The following DPYD variants were observed in gnomAD, a reference collection of about 807,000 sequenced individuals.
The protein encoded by DPYD is dihydropyrimidine dehydrogenase [NADP(+)].
Under a neutral mutation model 116.2 loss-of-function variants are expected in DPYD, and 109 were observed. That is an observed-to-expected ratio of 0.94 (90% CI 0.80 to 1.10). The LOEUF (loss-of-function observed/expected upper bound fraction) is 1.10. Among genes scored for constraint, DPYD ranks in the 50% least tolerant of loss-of-function variants. The pLI is 0.00. For missense variants in DPYD, 1,302 were observed against 1,254.5 expected (o/e 1.04, Z -0.57); for synonymous variants, 440 against 432.0 (o/e 1.02, Z -0.23).
chr1:97,489,205 A>G (rs1372157301), intron 13 of DPYD, among the ~76,000 whole-genome samples: 1 of 152,200 alleles, frequency 6.6e-6, no homozygotes, highest in Non-Finnish European at 1.5e-5. Context: ...GGAAAAATAT[A>G]TTTTCACGGA....
intron 20 of DPYD, among the ~76,000 whole-genome samples, chr1:97,161,768 G>A (rs896877072): frequency 1.0e-4 from 13 of 124,698 alleles, no homozygotes; most frequent in East Asian, 2.4e-4. Context: ...TCCCCTTCCT[G>A]TGTCCATGTG....
intron 19 of DPYD, among the ~76,000 whole-genome samples, chr1:97,208,604 T>C (rs1354831483): frequency 6.6e-6 from 1 of 152,090 alleles, no homozygotes; most frequent in Non-Finnish European, 1.5e-5. Flanking sequence ...ATATTCAAAC[T>C]CATCATTTCT....
chr1:97,124,818 C>G (rs1372140967), intron 20 of DPYD, among the ~76,000 whole-genome samples: 3 of 152,100 alleles, frequency 2.0e-5, no homozygotes, highest in Non-Finnish European at 4.4e-5. Flanking sequence ...ATTACCTTTG[C>G]TTTATGAATT....
intron 18 of DPYD, among the ~76,000 whole-genome samples, chr1:97,239,942 T>C (rs944615527): frequency 6.6e-5 from 10 of 152,144 alleles, no homozygotes; most frequent in African/African-American, 1.9e-4. Flanking sequence ...TTATAATTTG[T>C]ACTGCCCTCA....
intron 13 of DPYD, among the ~76,000 whole-genome samples, chr1:97,459,854 T>C (rs943962823): frequency 3.9e-5 from 6 of 152,100 alleles, no homozygotes; most frequent in Admixed American, 3.9e-4. Flanking sequence ...ATTATGTTTA[T>C]ATGAGGCAAA....
rs566920660 is a variant in DPYD, at chr1:97,592,409, C to A, written c.1128+809G>T. Among the ~76,000 whole-genome samples the A allele has an allele frequency of 1.7e-3, 252 of 152,300 alleles. 1 individual carries two copies. The highest frequency in any genetic ancestry group is 5.9e-3 in the African/African-American group (247 of 41,568). On this transcript the variant is annotated intron_variant, in intron 10 of 22. Transcript: ENST00000370192. Reference sequence around the variant, plus strand: ...TGAGACAGAGTCTCTCTCTGTCACCCAGGCTGGAGTGCAGTGGCACGATCT... The same window carrying A: ...TGAGACAGAGTCTCTCTCTGTCACCAAGGCTGGAGTGCAGTGGCACGATCT...
At chr1:97,844,225 T>C (rs1006390583) in intron 2 of DPYD, among the ~76,000 whole-genome samples, 2 of 152,108 alleles carry the variant, frequency 1.3e-5, no homozygotes, top group African/African-American at 4.8e-5. Context: ...TAATAAAAAA[T>C]ACATATTTTG....
chr1:97,803,420 T>TA, intron 3 of DPYD, among the ~76,000 whole-genome samples: 1 of 151,978 alleles, frequency 6.6e-6, no homozygotes, highest in East Asian at 1.9e-4. Flanking sequence ...GTAAAAATAG[T>TA]ATGACAGAAA....
rs138566740 is a variant in DPYD at position 97,459,261 on chromosome 1, G to A, written c.1741-9038C>T. Among the ~76,000 whole-genome samples, 11 of 152,190 alleles carry A rather than the reference G, an allele frequency of 7.2e-5. No individual in the cohort carries two copies. The East Asian group carries it at 2.1e-3, about 29-fold the overall frequency. The stretch of plus-strand genomic sequence containing the variant: ...TTACCTGAAAGCAAACAAATGTGAT[G>A]CAAAACATGATCTAGAGGTTAAGAG... On this transcript the variant is annotated intron_variant, in intron 13 of 22. Transcript: ENST00000370192.
chr1:97,236,090 A>C (rs1376670412), intron 18 of DPYD, among the ~76,000 whole-genome samples: 1 of 152,242 alleles, frequency 6.6e-6, no homozygotes, highest in Non-Finnish European at 1.5e-5. Flanking sequence ...CCCAGAGTAC[A>C]TTAATGCTTT....
intron 8 of DPYD, among the ~76,000 whole-genome samples, chr1:97,599,254 T>A (rs1655090494): frequency 6.6e-6 from 1 of 152,220 alleles, no homozygotes; most frequent in South Asian, 2.1e-4. Context: ...GAAATGTGTA[T>A]CCTTGCATTG....
chr1:97,786,791 T>C (rs1175567352), intron 3 of DPYD, among the ~76,000 whole-genome samples: 2 of 152,240 alleles, frequency 1.3e-5, no homozygotes, highest in Admixed American at 6.5e-5. Context: ...TTATTTTGTT[T>C]GACCTAAAAA....
rs543437644 is a variant in DPYD at position 97,176,506 on chromosome 1, T to C, written c.2622+16563A>G. On this transcript the variant is annotated intron_variant, in intron 20 of 22. Transcript: ENST00000370192. Reference sequence around the variant, plus strand: ...GGAGACCAAGGTCAGAAAAGAGCTGTCGGGAGTGACACGGTTTTTTGCCCA... The same window carrying C: ...GGAGACCAAGGTCAGAAAAGAGCTGCCGGGAGTGACACGGTTTTTTGCCCA... Among the ~76,000 whole-genome samples, 4 of 152,186 alleles carry C rather than the reference T, an allele frequency of 2.6e-5. No homozygotes were observed. In the South Asian group the frequency reaches 8.3e-4, roughly 31 times the overall value.
chr1:97,428,824 G>A (rs1675015289), intron 14 of DPYD, among the ~76,000 whole-genome samples: 1 of 151,172 alleles, frequency 6.6e-6, no homozygotes, highest in South Asian at 2.1e-4. Context: ...TTGCTCATGT[G>A]AGTGACAGTA....
At chr1:97,566,935 T>A (rs772200143) in intron 11 of DPYD, among the ~76,000 whole-genome samples, 1 of 152,202 alleles carries the variant, frequency 6.6e-6, no homozygotes, top group African/African-American at 2.4e-5. Flanking sequence ...TCAAACATAC[T>A]GATTCCAGGT....
intron 2 of DPYD, among the ~76,000 whole-genome samples, chr1:97,881,711 C>T (rs1672229456): frequency 6.6e-6 from 1 of 151,896 alleles, no homozygotes; most frequent in South Asian, 2.1e-4. Flanking sequence ...ACCATAAATA[C>T]TTTGAAAACT....
chr1:97,250,968 G>C (rs1278816396), intron 18 of DPYD, among the ~76,000 whole-genome samples: 1 of 152,118 alleles, frequency 6.6e-6, no homozygotes, highest in African/African-American at 2.4e-5. Context: ...ACATAAATAA[G>C]AAGTAGCAAA....
chr1:97,102,636 T>C (rs1452502130), intron 20 of DPYD, among the ~76,000 whole-genome samples: 1 of 151,678 alleles, frequency 6.6e-6, no homozygotes, highest in East Asian at 1.9e-4. Flanking sequence ...GCTCTATTAT[T>C]TATCAGTCTT....
intron 8 of DPYD, among the ~76,000 whole-genome samples, chr1:97,667,297 C>A (rs1346864317): frequency 6.6e-6 from 1 of 152,060 alleles, no homozygotes; most frequent in Non-Finnish European, 1.5e-5. Flanking sequence ...CTATCTTCAT[C>A]CCTTTGGCAT....
Sources: gnomAD v4.1 joint callset for allele counts (sites outside exome capture counted in the v4.1 genomes callset) on GRCh38, gnomAD v4.1.1 for gene constraint, MANE v1.5 for transcripts, NCBI Gene and HGNC (gene_info 2026-07-23, HGNC 2026-07-21) for gene names.